The following SLC22A14 variants were observed in gnomAD, a reference collection of about 807,000 sequenced individuals.
SLC22A14 encodes organic cation transporter-like 4.
SLC22A14 carries 50 observed loss-of-function variants against 53.9 expected under a neutral mutation model. The ratio of observed to expected loss-of-function variants is 0.93; its 90% CI spans 0.74 to 1.17. The LOEUF is 1.17. Ranked by LOEUF, SLC22A14 falls within the 50% of genes most tolerant of loss-of-function variation. SLC22A14 has a pLI of 0.00. For synonymous variants in SLC22A14, 312 were observed against 303.0 expected, an observed-to-expected ratio of 1.03 and a Z score of -0.31; for missense variants, 671 against 734.7, an observed-to-expected ratio of 0.91 and a Z score of 1.00.
chr3:38,282,107 G>A (rs1299811302), upstream of SLC22A14, among the ~76,000 whole-genome samples: 2 of 152,238 alleles, frequency 1.3e-5, no homozygotes, highest in African/African-American at 4.8e-5. Context: ...CCCTCGTGTG[G>A]AGGAAACAGC....
chr3:38,293,210 G>T (rs1276287970), intron 1 of SLC22A14, among the ~76,000 whole-genome samples: 1 of 152,202 alleles, frequency 6.6e-6, no homozygotes, highest in Non-Finnish European at 1.5e-5. Flanking sequence ...GCGTGGATGA[G>T]GGGGCAGCTT....
intron 6 of SLC22A14, 100 bp downstream of exon 6, chr3:38,313,219 C>T: frequency 6.6e-7 from 1 of 1,513,906 alleles, no homozygotes; most frequent in Non-Finnish European, 9.1e-7. Flanking sequence ...CAGAGGGTGC[C>T]CCCAGTCCAC....
intron 1 of SLC22A14, among the ~76,000 whole-genome samples, chr3:38,293,073 C>T (rs1044165909): frequency 3.3e-5 from 5 of 152,082 alleles, no homozygotes; most frequent in African/African-American, 9.7e-5. Flanking sequence ...AGGGTGATGG[C>T]ATGGGCTGGT....
At chr3:38,291,789 T>G (rs1048344718) in intron 1 of SLC22A14, among the ~76,000 whole-genome samples, 1 of 152,256 alleles carries the variant, frequency 6.6e-6, no homozygotes. Context: ...GAAAGCTGCT[T>G]CTGCTTCAGG....
chr3:38,287,553 A>G (rs1356526442), intron 1 of SLC22A14, among the ~76,000 whole-genome samples: 1 of 152,202 alleles, frequency 6.6e-6, no homozygotes, highest in Non-Finnish European at 1.5e-5. Context: ...TTAAATTTGC[A>G]TGGATATATT....
upstream of SLC22A14, among the ~76,000 whole-genome samples, chr3:38,281,459 G>C (rs1431067102): frequency 6.6e-6 from 1 of 152,098 alleles, no homozygotes; most frequent in African/African-American, 2.4e-5. Flanking sequence ...ATCTGGTAAG[G>C]GCCTTCTTGC....
chr3:38,289,004 A>G (rs1213805706), intron 1 of SLC22A14, among the ~76,000 whole-genome samples: 1 of 151,898 alleles, frequency 6.6e-6, no homozygotes, highest in African/African-American at 2.4e-5. Flanking sequence ...ACAAAGTGAG[A>G]CCTGATCTCT....
At chr3:38,282,518 C>T (rs1703693750) in intron 1 of SLC22A14, among the ~76,000 whole-genome samples, 179 bp downstream of exon 1, 2 of 152,196 alleles carry the variant, frequency 1.3e-5, no homozygotes, top group Admixed American at 1.3e-4. Flanking sequence ...GCGGGCTGCC[C>T]TCCCAGAAAG....
upstream of SLC22A14, among the ~76,000 whole-genome samples, chr3:38,280,382 GC>G (rs773217205): frequency 4.7e-4 from 72 of 152,262 alleles, no homozygotes; most frequent in Non-Finnish European, 6.5e-4. Context: ...GCCCCTTTCT[GC>G]CTAGAAACAA....
At chr3:38,292,456 ATTGATAATC>A (rs1488908504) in intron 1 of SLC22A14, among the ~76,000 whole-genome samples, 3 of 152,162 alleles carry the variant, frequency 2.0e-5, no homozygotes, top group Non-Finnish European at 2.9e-5. Context: ...CAACAGCCTC[ATTGATAATC>A]CTGAGATCCT....
Position 38,309,139 on chromosome 3 carries a change from C to T in SLC22A14, c.944+17C>T, listed in dbSNP as rs704929. On this transcript the variant is annotated intron_variant, in intron 5 of 10. Coordinates refer to ENST00000448498, the MANE Select transcript of SLC22A14 (RefSeq NM_001320033.2). Reference sequence around the variant, plus strand: ...CTATATCTGGTGAGCAAGCGAGTACCGGGCATGTACAGGGCTGGGTCTGAT... The same window carrying T: ...CTATATCTGGTGAGCAAGCGAGTACTGGGCATGTACAGGGCTGGGTCTGAT... 1 of 1,610,558 alleles carries T rather than the reference C, an allele frequency of 6.2e-7. No homozygotes were observed. Among genetic ancestry groups the T allele is most frequent in the Non-Finnish European group, 8.5e-7 (1 of 1,176,982 alleles).
At chr3:38,299,094 C>T (rs1007723314) in intron 1 of SLC22A14, among the ~76,000 whole-genome samples, 10 of 152,260 alleles carry the variant, frequency 6.6e-5, no homozygotes, top group African/African-American at 2.4e-4. Flanking sequence ...CCTTTTCTTC[C>T]CCATCCTCTT....
At chr3:38,314,907 G>C (rs1347127070) in intron 8 of SLC22A14, among the ~76,000 whole-genome samples, 1 of 152,238 alleles carries the variant, frequency 6.6e-6, no homozygotes, top group Admixed American at 6.5e-5. Flanking sequence ...CTGGATCTCT[G>C]ATTTCATCCC....
chr3:38,279,929 G>C (rs577996181), upstream of SLC22A14, among the ~76,000 whole-genome samples: 25 of 152,314 alleles, frequency 1.6e-4, no homozygotes, highest in African/African-American at 6.0e-4. Context: ...TGAGTTTGCA[G>C]GATGGTAGGT....
chr3:38,298,762 G>A (rs1331719774), intron 1 of SLC22A14, among the ~76,000 whole-genome samples: 6 of 152,060 alleles, frequency 3.9e-5, no homozygotes, highest in Non-Finnish European at 8.8e-5. Context: ...CAACATGTTG[G>A]CCAGGCTGGT....
At chr3:38,296,980 A>G (rs534128478) in intron 1 of SLC22A14, among the ~76,000 whole-genome samples, 4 of 152,316 alleles carry the variant, frequency 2.6e-5, no homozygotes, top group Non-Finnish European at 5.9e-5. Flanking sequence ...AAGCTGTAAC[A>G]AACACGGACC....
chr3:38,279,789 G>T (rs1181151501), upstream of SLC22A14, among the ~76,000 whole-genome samples: 2 of 152,036 alleles, frequency 1.3e-5, no homozygotes, highest in East Asian at 1.9e-4. Context: ...CCCTGGTTGT[G>T]TATCTCCTTG....
At chr3:38,309,179 T>C (rs1408230971) in intron 5 of SLC22A14, 57 bp downstream of exon 5, 2 of 1,463,888 alleles carry the variant, frequency 1.4e-6, no homozygotes, top group African/African-American at 1.4e-5. Context: ...TGGATGTCGA[T>C]GAGTATGGAG....
At chr3:38,293,863 C>T (rs1436069270) in intron 1 of SLC22A14, among the ~76,000 whole-genome samples, 2 of 152,158 alleles carry the variant, frequency 1.3e-5, no homozygotes, top group South Asian at 2.1e-4. Flanking sequence ...TCGCCAAACT[C>T]GCGGGCTCCA....
Sources: gnomAD v4.1 joint callset for allele counts (sites outside exome capture counted in the v4.1 genomes callset) on GRCh38, gnomAD v4.1.1 for gene constraint, MANE v1.5 for transcripts, NCBI Gene and HGNC (gene_info 2026-07-23, HGNC 2026-07-21) for gene names.